ARV1: variants seen among roughly 807,000 people sequenced by gnomAD.
ARV1 encodes protein ARV1.
Under a neutral mutation model 31.1 loss-of-function variants are expected in ARV1, and 26 were observed. The ratio of observed to expected loss-of-function variants is 0.84; its 90% CI spans 0.61 to 1.16. The LOEUF is 1.16. ARV1 is among the 50% of genes most tolerant of loss of function. ARV1 has a pLI of 0.00. For synonymous variants in ARV1, 117 were observed against 123.2 expected (o/e 0.95, Z 0.34); for missense variants, 281 against 324.9 (o/e 0.86, Z 1.04).
chr1:230,989,241 T>G (rs2103049777), intron 2 of ARV1, among the ~76,000 whole-genome samples: 1 of 152,206 alleles, frequency 6.6e-6, no homozygotes, highest in South Asian at 2.1e-4. Context: ...TGGGTTCAAG[T>G]GTTCTACTGC....
chr1:230,986,203 A>G (rs371910221), intron 1 of ARV1, among the ~76,000 whole-genome samples: 63 of 152,144 alleles, frequency 4.1e-4, no homozygotes, highest in Middle Eastern at 3.4e-3. Flanking sequence ...GATTACAGGC[A>G]TGAGCCACCA....
At chr1:230,991,280 T>C (rs1443679957) in intron 3 of ARV1, among the ~76,000 whole-genome samples, 2 of 152,234 alleles carry the variant, frequency 1.3e-5, no homozygotes, top group African/African-American at 4.8e-5. Context: ...TTCTGGGCTG[T>C]GTGTCTTCTT....
At chr1:230,986,572 G>A (rs1043089059) in intron 1 of ARV1, among the ~76,000 whole-genome samples, 7 of 151,188 alleles carry the variant, frequency 4.6e-5, no homozygotes, top group Admixed American at 2.0e-4. Flanking sequence ...GACCCACAGT[G>A]AGTGCCTGAA....
intron 4 of ARV1, among the ~76,000 whole-genome samples, chr1:230,996,274 T>C (rs1438325335): frequency 6.6e-6 from 1 of 152,008 alleles, no homozygotes; most frequent in Non-Finnish European, 1.5e-5. Context: ...CTCCTGGGGC[T>C]CTGAGGGTTA....
chr1:230,981,166 G>A (rs1237082048), intron 1 of ARV1, among the ~76,000 whole-genome samples: 1 of 152,032 alleles, frequency 6.6e-6, no homozygotes, highest in African/African-American at 2.4e-5. Context: ...CTTAATCATG[G>A]TGTATTCCAA....
At chr1:230,986,044 G>C (rs1679056598) in intron 1 of ARV1, among the ~76,000 whole-genome samples, 1 of 151,832 alleles carries the variant, frequency 6.6e-6, no homozygotes, top group Admixed American at 6.6e-5. Context: ...TCATCCTGTA[G>C]TTGCTGGGAC....
chr1:230,990,779 C>A, intron 3 of ARV1: 1 of 168,712 alleles, frequency 5.9e-6, no homozygotes, highest in Non-Finnish European at 1.3e-5. Flanking sequence ...CCGTGTTGCC[C>A]AGGCTGGTCT....
At chr1:230,986,666 CTATTTTTTTTTTTTTTTTTTTTTTTT>C (rs1412695530) in intron 1 of ARV1, among the ~76,000 whole-genome samples, 8 of 79,690 alleles carry the variant, frequency 1.0e-4, no homozygotes, top group African/African-American at 3.5e-4. Flanking sequence ...AATACTTTTC[CTATTTTTTTTTTTTTTTTTTTTTTTT>C]TTTTTTTTTT....
rs539489374 is a variant in ARV1, at chr1:230,985,808, A to G, written c.175-2512A>G. On this transcript the variant is annotated intron_variant, in intron 1 of 5. Coordinates refer to ENST00000310256, the MANE Select transcript of ARV1 (RefSeq NM_022786.3). ...GAGACCTATCAAACAGCTGTTTGTC[A>G]TGGACATGGAATTTCTGATTCTGGG... is the stretch of plus-strand genomic sequence containing the variant. 9.9e-5 allele frequency among the ~76,000 whole-genome samples: 15 copies of G among 152,260 alleles called. No individual in the cohort carries two copies. The South Asian group carries it at 1.9e-3, about 19-fold the overall frequency.
chr1:230,989,545 T>C (rs6541249), intron 2 of ARV1, among the ~76,000 whole-genome samples: 51,090 of 152,014 alleles, frequency 0.34, 8,867 homozygotes, highest in Middle Eastern at 0.58. Context: ...ATTTCAGACT[T>C]TTAAGAATTA....
chr1:230,998,120 C>T (rs550565536), intron 5 of ARV1, among the ~76,000 whole-genome samples: 4 of 152,204 alleles, frequency 2.6e-5, no homozygotes, highest in Non-Finnish European at 5.9e-5. Flanking sequence ...CTCTCTGGGG[C>T]TGTTTCTGAC....
At chr1:230,981,585 C>G (rs980097393) in intron 1 of ARV1, among the ~76,000 whole-genome samples, 2 of 152,214 alleles carry the variant, frequency 1.3e-5, no homozygotes, top group African/African-American at 4.8e-5. Context: ...TCTACCTGAA[C>G]TATTGTTGTA....
rs780873621 is a variant in ARV1, at chr1:230,997,153, T to G, written c.706T>G (p.Leu236Val). The change falls in exon 5 of 6, where the codon TTG becomes GTG. Residue 236 changes from leucine (L) to valine (V), a missense_variant. By Grantham distance (32) the Leu-to-Val change is conservative (BLOSUM62 1). Transcript: ENST00000310256. Reference sequence around the variant, plus strand: ...AAACATCAACCGTAAGCTCTCCTTCTTGGCCGTGTTGAGTGGCTTACTGCT... The same window carrying G: ...AAACATCAACCGTAAGCTCTCCTTCGTGGCCGTGTTGAGTGGCTTACTGCT... The part of the protein sequence containing the change: ...TLNINRKLSF[L>V]AVLSGLLLES... 6.2e-7 allele frequency: 1 copy of G among 1,614,202 alleles called. No individual in the cohort carries two copies. The highest frequency in any genetic ancestry group is 1.1e-5 in the South Asian group (1 of 91,082).
chr1:230,988,644 G>GT (rs930126884), intron 2 of ARV1, among the ~76,000 whole-genome samples: 40 of 152,248 alleles, frequency 2.6e-4, no homozygotes, highest in African/African-American at 9.1e-4. Context: ...CTTAGTGAGT[G>GT]TTTAAGAATA....
At chr1:230,986,157 C>T (rs563952809) in intron 1 of ARV1, among the ~76,000 whole-genome samples, 9 of 152,096 alleles carry the variant, frequency 5.9e-5, no homozygotes, top group African/African-American at 1.9e-4. Flanking sequence ...TTCCTGACCT[C>T]GTGATCCACC....
At chr1:230,998,626 C>T (rs1679437477) in intron 5 of ARV1, among the ~76,000 whole-genome samples, 1 of 151,968 alleles carries the variant, frequency 6.6e-6, no homozygotes, top group African/African-American at 2.4e-5. Context: ...ACAAGGAGAG[C>T]AGGGCACAGT....
chr1:230,990,362 C>A, intron 3 of ARV1, 99 bp downstream of exon 3: 2 of 1,463,622 alleles, frequency 1.4e-6, no homozygotes, highest in Non-Finnish European at 1.9e-6. Context: ...GTAAGAAGAG[C>A]TAGTTAATAT....
intron 1 of ARV1, among the ~76,000 whole-genome samples, chr1:230,988,095 C>T (rs111876249): frequency 1.6e-4 from 24 of 152,054 alleles, no homozygotes; most frequent in African/African-American, 4.6e-4. Flanking sequence ...TTGAATATGA[C>T]GTTAAAATAT....
intron 2 of ARV1, among the ~76,000 whole-genome samples, chr1:230,989,161 C>T (rs1395775178): frequency 1.3e-5 from 2 of 152,094 alleles, no homozygotes; most frequent in East Asian, 1.9e-4. Flanking sequence ...ATTTTTGAGA[C>T]GGAGTCTTGC....
Sources: allele counts gnomAD v4.1 joint callset (sites outside exome capture counted in the v4.1 genomes callset), GRCh38; gene constraint gnomAD v4.1.1; transcripts MANE v1.5; gene names NCBI Gene and HGNC (gene_info 2026-07-23, HGNC 2026-07-21).